KANSL3: variants seen among roughly 807,000 people sequenced by gnomAD.
The protein encoded by KANSL3 is KAT8 regulatory NSL complex subunit 3, also known as NSL complex protein NSL3.
KANSL3 carries 16 observed loss-of-function variants against 89.2 expected under a neutral mutation model. The observed-to-expected ratio is 0.18, with a 90% CI of 0.12 to 0.27. The LOEUF is 0.27. Ranked by LOEUF, KANSL3 falls within the 10% of genes least tolerant of loss-of-function variation. The pLI, the probability that KANSL3 is intolerant of heterozygous loss-of-function variation, is 1.00. For synonymous variants in KANSL3, 385 were observed against 419.7 expected, an observed-to-expected ratio of 0.92 and a Z score of 1.01; for missense variants, 879 against 1,110.6, an observed-to-expected ratio of 0.79 and a Z score of 2.96.
intron 3 of KANSL3, among the ~76,000 whole-genome samples, chr2:96,630,826 C>T (rs886597173): frequency 1.3e-5 from 2 of 152,222 alleles, no homozygotes; most frequent in Admixed American, 6.5e-5. Flanking sequence ...AAATAGGCTT[C>T]AGTGTGCCCT....
chr2:96,600,624 T>G, intron 20 of KANSL3: 1 of 985,426 alleles, frequency 1.0e-6, no homozygotes. Context: ...CTTGGCTGTA[T>G]AGCGGATACT....
intron 16 of KANSL3, 121 bp from the exon 17 acceptor site, chr2:96,604,501 C>A: frequency 8.4e-7 from 1 of 1,184,796 alleles, no homozygotes; most frequent in East Asian, 2.4e-5. Flanking sequence ...CACCAAAAAC[C>A]TTCAGCTTCT....
At chr2:96,590,801 T>C (rs946751150), downstream of KANSL3, among the ~76,000 whole-genome samples, 7 of 151,942 alleles carry the variant, frequency 4.6e-5, no homozygotes, top group African/African-American at 1.7e-4. Context: ...CTAGCCAACA[T>C]GGTGAAACCC....
intron 5 of KANSL3, among the ~76,000 whole-genome samples, chr2:96,616,181 C>G (rs752230839): frequency 2.0e-5 from 3 of 152,200 alleles, no homozygotes; most frequent in Non-Finnish European, 4.4e-5. Flanking sequence ...TAGGACCAAA[C>G]CGCAAAGGAT....
chr2:96,589,920 G>A (rs1008807484), downstream of KANSL3, among the ~76,000 whole-genome samples: 3 of 151,754 alleles, frequency 2.0e-5, no homozygotes, highest in African/African-American at 4.8e-5. Flanking sequence ...AGGCTGAGGC[G>A]GGTGGATTAC....
intron 13 of KANSL3, 88 bp downstream of exon 13, chr2:96,608,773 CTAA>C: frequency 6.5e-7 from 1 of 1,542,946 alleles, no homozygotes; most frequent in Non-Finnish European, 8.8e-7. Flanking sequence ...GCCCATGGCA[CTAA>C]TAAGACAGAG....
In KANSL3 at chr2:96,608,893, T is replaced by G; in HGVS notation, c.1555A>C (p.Lys519Gln). 6.3e-7 allele frequency: 1 copy of G among 1,580,890 alleles called. No individual in the cohort carries two copies. Among genetic ancestry groups the G allele is most frequent in the Non-Finnish European group, 8.6e-7 (1 of 1,163,586 alleles). Residue 519 changes from lysine (K) to glutamine (Q), a missense_variant, in exon 13 of 21, where the codon AAG becomes CAG. Lys to Gln is a moderately conservative substitution (Grantham distance 53). Coordinates refer to ENST00000431828, the MANE Select transcript of KANSL3 (RefSeq NM_001115016.3). Reference sequence around the variant, plus strand: ...GAGCCTGAGGGTGAGGCGGGCAGCTTGGCAGCTGGGGAGGCAGGTCGACTG... The same window carrying G: ...GAGCCTGAGGGTGAGGCGGGCAGCTGGGCAGCTGGGGAGGCAGGTCGACTG... ...RGSRPASPAAKLPASPSGSED... is the reference protein window; with the variant it reads ...RGSRPASPAAQLPASPSGSED...
chr2:96,595,557 C>A lies in KANSL3; in HGVS notation c.*54G>T. On this transcript the variant is annotated 3_prime_UTR_variant, in exon 21 of 21. Coordinates refer to ENST00000431828, the MANE Select transcript of KANSL3 (RefSeq NM_001115016.3). ...CAGGACCACACACCTGTCCAGGGCC[C>A]ACCATGAGGCAGCCATCACCAACTT... 1 of 1,606,522 alleles carries A rather than the reference C, an allele frequency of 6.2e-7. No homozygotes were observed. Among genetic ancestry groups the A allele is most frequent in the Non-Finnish European group, 8.5e-7 (1 of 1,174,096 alleles).
At chr2:96,611,919 G>GTGTGTGTGTGTGTGTGTGTT (rs1553417122) in intron 9 of KANSL3, among the ~76,000 whole-genome samples, 2 of 149,652 alleles carry the variant, frequency 1.3e-5, no homozygotes, top group African/African-American at 5.0e-5. Context: ...GTGTGTGTGT[G>GTGTGTGTGTGTGTGTGTGTT]TGTGTGTGTG....
chr2:96,622,731 CTG>C (rs1272677554), intron 3 of KANSL3, among the ~76,000 whole-genome samples: 1 of 152,204 alleles, frequency 6.6e-6, no homozygotes, highest in Non-Finnish European at 1.5e-5. Context: ...TCATCCATGA[CTG>C]ATCCTCACTT....
chr2:96,636,374 G>C (rs1170023585), intron 2 of KANSL3, among the ~76,000 whole-genome samples: 1 of 152,122 alleles, frequency 6.6e-6, no homozygotes, highest in Non-Finnish European at 1.5e-5. Flanking sequence ...ACATAGGCTG[G>C]GTGAAAATAT....
rs190225285 is a variant in KANSL3 at position 96,598,890 on chromosome 2, A to C, written c.2616+2753T>G. 2.3e-3 allele frequency among the ~76,000 whole-genome samples: 304 copies of C among 133,230 alleles called. 3 individuals carry two copies. The highest frequency in any genetic ancestry group is 9.1e-3 in the African/African-American group (295 of 32,584). The allele number at this position is 133,230 out of a possible 152,430, so 87.4% of individuals were successfully genotyped here. On this transcript the variant is annotated intron_variant, in intron 20 of 20. Coordinates refer to ENST00000431828, the MANE Select transcript of KANSL3 (RefSeq NM_001115016.3). ...GTGCCACTGCACTCCAGCCTGGGTG[A>C]CAAGAGTGAGACTGTCTCAAAAAAA...
intron 3 of KANSL3, 107 bp from the exon 4 acceptor site, chr2:96,619,869 A>C: frequency 1.1e-6 from 1 of 881,480 alleles, no homozygotes; most frequent in Middle Eastern, 2.3e-4. Flanking sequence ...CTGCTAGGGA[A>C]CAGTAAAACG....
At chr2:96,613,059 C>T (rs1041611929) in intron 6 of KANSL3, 125 bp from the exon 7 acceptor site, 2 of 678,346 alleles carry the variant, frequency 2.9e-6, no homozygotes, top group Admixed American at 2.5e-5. Flanking sequence ...ATGTTAAGCA[C>T]TATGTAAAAT....
At position 96,593,650 on chromosome 2, in the gene KANSL3, T is replaced by C. The variant is rs751081877; in HGVS notation, c.*1961A>G. 2.3e-5 allele frequency: 5 copies of C among 217,656 alleles called. No individual in the cohort carries two copies. Among genetic ancestry groups the C allele is most frequent in the Non-Finnish European group, 3.8e-5 (4 of 105,806 alleles). The allele number at this position is 217,656 out of a possible 1,614,324, so 13.5% of individuals were successfully genotyped here. A position where few individuals can be genotyped will look rare whatever the true frequency, so the allele number is the denominator to read the frequency against. On this transcript the variant is annotated 3_prime_UTR_variant, in exon 21 of 21. Transcript: ENST00000431828. ...GTCATCCCTTGTAAGCACACTAGAA[T>C]TTATCATAAAGGCAGGTCGGCTTGT...
chr2:96,616,142 A>C (rs759518392), intron 5 of KANSL3, among the ~76,000 whole-genome samples: 2 of 152,204 alleles, frequency 1.3e-5, no homozygotes, highest in Non-Finnish European at 2.9e-5. Context: ...GTAAGGAAGG[A>C]GGAGGATGTA....
At chr2:96,618,828 G>A (rs913476632) in intron 5 of KANSL3, among the ~76,000 whole-genome samples, 2 of 152,190 alleles carry the variant, frequency 1.3e-5, no homozygotes, top group African/African-American at 4.8e-5. Context: ...GAATCACCAA[G>A]AAAAACAGTT....
rs1254016873 is a variant in KANSL3 at position 96,604,318 on chromosome 2, G to A, written c.2081C>T (p.Thr694Ile). Residue 694 changes from threonine to isoleucine, a missense_variant, in exon 17 of 21, where the codon ACT (threonine) becomes ATT (isoleucine). By Grantham distance (89) the Thr-to-Ile change is moderately conservative. Transcript: ENST00000431828. ...SPVPSVVSSS[T>I]APSALHTLQS... ...CAGTGTGTGCAAGGCACTGGGTGCA[G>A]TGCTGCTGGAGACCACTGAAGGGAC... 3 of 1,613,482 alleles carry A rather than the reference G, an allele frequency of 1.9e-6. 1 individual carries two copies. The highest frequency in any genetic ancestry group is 2.2e-5 in the South Asian group (2 of 91,084).
chr2:96,634,241 G>C (rs1211383800), intron 2 of KANSL3: 3 of 152,222 alleles, frequency 2.0e-5, no homozygotes, highest in Admixed American at 2.0e-4. Flanking sequence ...ATGAGATCTA[G>C]CTGGGCATAG....
Sources: gnomAD v4.1 joint callset for allele counts (sites outside exome capture counted in the v4.1 genomes callset) on GRCh38, gnomAD v4.1.1 for gene constraint, MANE v1.5 for transcripts, NCBI Gene and HGNC (gene_info 2026-07-23, HGNC 2026-07-21) for gene names.